ZNF367: variants seen among roughly 807,000 people sequenced by gnomAD.
ZNF367 encodes zinc finger protein 367.
In ZNF367, 11 loss-of-function variants were observed where a neutral mutation model predicts 31.8. The ratio of observed to expected loss-of-function variants is 0.35; its 90% CI spans 0.22 to 0.57. The LOEUF is 0.57. ZNF367 is among the 20% of genes least tolerant of loss of function. The pLI is 0.85. For synonymous variants in ZNF367, 199 were observed against 202.4 expected (o/e 0.98, Z 0.14); for missense variants, 353 against 484.1 (o/e 0.73, Z 2.54).
intron 1 of ZNF367, among the ~76,000 whole-genome samples, chr9:96,414,979 C>A (rs12379200): frequency 6.6e-6 from 1 of 151,860 alleles, no homozygotes; most frequent in Non-Finnish European, 1.5e-5. Flanking sequence ...ACTACATAAT[C>A]TAATTTAGTG....
chr9:96,415,891 C>T (rs1831820894), intron 1 of ZNF367, among the ~76,000 whole-genome samples: 1 of 152,006 alleles, frequency 6.6e-6, no homozygotes, highest in Non-Finnish European at 1.5e-5. Flanking sequence ...TAGCCTCAAA[C>T]TCCTGGTCTC....
intron 1 of ZNF367, among the ~76,000 whole-genome samples, chr9:96,402,617 T>C (rs1587745527): frequency 1.1e-5 from 1 of 92,490 alleles, no homozygotes; most frequent in Non-Finnish European, 2.0e-5. Context: ...CACGCCTGGC[T>C]AATTTTTTTT....
At chr9:96,407,443 C>A in intron 1 of ZNF367, 2 of 1,400,928 alleles carry the variant, frequency 1.4e-6, no homozygotes, top group Non-Finnish European at 2.0e-6. Context: ...ACATAAACAG[C>A]GCCATGCTGA....
Position 96,412,756 on chromosome 9 carries a change from C to T in ZNF367, c.420+4857G>A, listed in dbSNP as rs1831767456. ...AGTCGCCCAGGCTGGAGTGCAGTGG[C>T]ACAATCTCAGCTCATTGCAACCTCT... On this transcript the variant is annotated intron_variant, in intron 1 of 4. Transcript: ENST00000375256. 3.4e-5 allele frequency among the ~76,000 whole-genome samples: 5 copies of T among 146,030 alleles called. No homozygotes were observed. In the South Asian group the frequency reaches 6.4e-4, roughly 19 times the overall value.
At chr9:96,407,278 G>T in intron 1 of ZNF367, 1 of 1,481,876 alleles carries the variant, frequency 6.7e-7, no homozygotes, top group Non-Finnish European at 9.4e-7. Flanking sequence ...CTCTGCGGCC[G>T]TCACCATGCC....
At chr9:96,397,520 T>C (rs772744755) in intron 2 of ZNF367, among the ~76,000 whole-genome samples, 16 of 152,176 alleles carry the variant, frequency 1.1e-4, no homozygotes, top group Non-Finnish European at 2.2e-4. Context: ...TACAGATGAA[T>C]TTTAACAATT....
At chr9:96,394,621 C>T (rs1831508521) in intron 3 of ZNF367, among the ~76,000 whole-genome samples, 1 of 151,984 alleles carries the variant, frequency 6.6e-6, no homozygotes, top group Admixed American at 6.6e-5. Context: ...TGTGTACCCA[C>T]AAAAATCAAA....
intron 4 of ZNF367, among the ~76,000 whole-genome samples, chr9:96,391,872 A>G (rs1831477306): frequency 6.6e-6 from 1 of 152,144 alleles, no homozygotes; most frequent in African/African-American, 2.4e-5. Context: ...TCCGTCTCCC[A>G]GGCTCAAGCG....
At position 96,417,053 on chromosome 9, in the gene ZNF367, T is replaced by C. The variant is rs1483547695; in HGVS notation, c.420+560A>G. Among the ~76,000 whole-genome samples the C allele has an allele frequency of 6.6e-6, 1 of 152,206 alleles. No homozygotes were observed. On this transcript the variant is annotated intron_variant, in intron 1 of 4. Transcript: ENST00000375256. This position sits in a 1 kb window ranked among gnomAD's most constrained non-coding sequence, Gnocchi z 5.0. ...TCGGAGACTGCAAGCAATTTTAGCGTCCCATTCCACTATGTGCTCTCAACA... is the reference window on the plus strand; with the variant it reads ...TCGGAGACTGCAAGCAATTTTAGCGCCCCATTCCACTATGTGCTCTCAACA...
intron 2 of ZNF367, among the ~76,000 whole-genome samples, chr9:96,396,120 C>T (rs1831527817): frequency 6.6e-6 from 1 of 152,136 alleles, no homozygotes; most frequent in African/African-American, 2.4e-5. Flanking sequence ...ATCCTCCTTT[C>T]AGTTCCTTGA....
At chr9:96,408,277 A>G (rs1404451758) in intron 1 of ZNF367, among the ~76,000 whole-genome samples, 1 of 152,234 alleles carries the variant, frequency 6.6e-6, no homozygotes, top group Non-Finnish European at 1.5e-5. Flanking sequence ...AAAAGAAATG[A>G]AAACAGAATC....
intron 3 of ZNF367, 133 bp from the exon 4 acceptor site, chr9:96,392,669 G>GA (rs1283852875): frequency 1.5e-6 from 2 of 1,331,340 alleles, no homozygotes; most frequent in African/African-American, 2.9e-5. Context: ...ATTTGGAGGA[G>GA]AAAACAATCA....
At chr9:96,412,973 C>G (rs1831770362) in intron 1 of ZNF367, among the ~76,000 whole-genome samples, 1 of 152,140 alleles carries the variant, frequency 6.6e-6, no homozygotes, top group South Asian at 2.1e-4. Context: ...GCTGGGATTA[C>G]AGGCATCAGC....
rs73536972 is a variant in ZNF367, at chr9:96,409,711, G to A, written c.420+7902C>T. On this transcript the variant is annotated intron_variant, in intron 1 of 4. Transcript: ENST00000375256. The stretch of plus-strand genomic sequence containing the variant: ...ATTCTTTCATCTTCTTTACTCCTTG[G>A]CTGTGATCCTCAGTAGCCACATATA... Among the ~76,000 whole-genome samples the A allele has an allele frequency of 2.5e-3, 373 of 152,216 alleles. 1 individual carries two copies. The highest frequency in any genetic ancestry group is 8.5e-3 in the African/African-American group (353 of 41,524).
At chr9:96,416,569 G>T (rs1317778625) in intron 1 of ZNF367, among the ~76,000 whole-genome samples, 1 of 152,060 alleles carries the variant, frequency 6.6e-6, no homozygotes, top group Non-Finnish European at 1.5e-5. Flanking sequence ...GATCAAACTC[G>T]TTTCAACTTA....
chr9:96,396,773 T>G (rs972291228), intron 2 of ZNF367, among the ~76,000 whole-genome samples: 26 of 152,224 alleles, frequency 1.7e-4, no homozygotes, highest in African/African-American at 5.5e-4. Flanking sequence ...GTTCAAGTGA[T>G]TCTCCTGCCT....
intron 1 of ZNF367, among the ~76,000 whole-genome samples, chr9:96,398,712 T>C (rs182647769): frequency 1.3e-5 from 2 of 152,282 alleles, no homozygotes; most frequent in East Asian, 1.9e-4. Context: ...CTTGAAACAG[T>C]AGAAAAGCTT....
intron 1 of ZNF367, among the ~76,000 whole-genome samples, chr9:96,404,862 A>T (rs188442639): frequency 1.1e-3 from 166 of 152,310 alleles, no homozygotes; most frequent in Middle Eastern, 0.01. Context: ...CATACATCTG[A>T]TAAGGGCCTA....
intron 2 of ZNF367, among the ~76,000 whole-genome samples, chr9:96,397,343 T>A (rs754036532): frequency 3.9e-5 from 6 of 152,204 alleles, no homozygotes; most frequent in Admixed American, 6.5e-5. Flanking sequence ...CTAAATGATA[T>A]TTAAAATGCA....
Sources: allele counts gnomAD v4.1 joint callset (sites outside exome capture counted in the v4.1 genomes callset), GRCh38; gene constraint gnomAD v4.1.1; non-coding constraint Gnocchi (gnomAD v3.1); transcripts MANE v1.5; gene names NCBI Gene and HGNC (gene_info 2026-07-23, HGNC 2026-07-21).